The following TRPM8 variants were observed in gnomAD, a reference collection of about 807,000 sequenced individuals.
TRPM8 encodes transient receptor potential cation channel subfamily M member 8, also known as TRPM8 cationic channel.
In TRPM8, 110 loss-of-function variants were observed where a neutral mutation model predicts 133.7. That is an observed-to-expected ratio of 0.82 (90% CI 0.70 to 0.96). The LOEUF (loss-of-function observed/expected upper bound fraction) is 0.96, where lower values mean the gene tolerates loss of function less well. Among genes scored for constraint, TRPM8 ranks in the 40% least tolerant of loss-of-function variants. The pLI is 0.00. For synonymous variants in TRPM8, 535 were observed against 532.3 expected (o/e 1.01, Z -0.07); for missense variants, 1,291 against 1,379.5 (o/e 0.94, Z 1.02).
At chr2:234,005,510 T>G (rs891794529) in intron 22 of TRPM8, among the ~76,000 whole-genome samples, 1 of 152,204 alleles carries the variant, frequency 6.6e-6, no homozygotes, top group Non-Finnish European at 1.5e-5. Context: ...GAAAAGACAT[T>G]GAAACTTCTT....
In TRPM8 at chr2:233,997,894, A is replaced by C. The variant is rs1038925093; in HGVS notation, c.3130+1378A>C. 3.4e-4 allele frequency among the ~76,000 whole-genome samples: 52 copies of C among 152,122 alleles called. 1 individual carries two copies. Among genetic ancestry groups the C allele is most frequent in the African/African-American group, 1.3e-3 (52 of 41,420 alleles). On this transcript the variant is annotated intron_variant, in intron 22 of 25. Coordinates refer to ENST00000324695, the MANE Select transcript of TRPM8 (RefSeq NM_024080.5). ...CAGCTGTCAGCCACATGTCCTTTGA[A>C]TGCAGGGAGCCAGCATCCAGCTCTC...
Position 233,926,618 on chromosome 2 carries a change from C to T in TRPM8, c.81C>T (p.Ser27=), listed in dbSNP as rs201380061. 2.4e-5 allele frequency: 39 copies of T among 1,613,942 alleles called. No individual in the cohort carries two copies. The highest frequency in any genetic ancestry group is 1.6e-4 in the Middle Eastern group (1 of 6,080). The change falls in exon 2 of 26, where the codon AGC becomes AGT. Residue 27 remains serine (S), a synonymous_variant. Coordinates refer to ENST00000324695, the MANE Select transcript of TRPM8 (RefSeq NM_024080.5). ...TLDSTRTLYS[S]ASRSTDLSYS... ...ACAGCACCCGGACCCTGTACTCCAG[C>T]GCGTCTCGGAGCACAGACTTGTCTT...
At chr2:233,953,251 G>C (rs1691212777) in intron 9 of TRPM8, among the ~76,000 whole-genome samples, 1 of 152,166 alleles carries the variant, frequency 6.6e-6, no homozygotes, top group Non-Finnish European at 1.5e-5. Context: ...TGCAGTTCCA[G>C]ATCCTTATTT....
At chr2:234,010,003 A>G (rs1452995054) in intron 24 of TRPM8, among the ~76,000 whole-genome samples, 1 of 152,130 alleles carries the variant, frequency 6.6e-6, no homozygotes, top group Non-Finnish European at 1.5e-5. Context: ...GATTAATTTA[A>G]AATCTCTCCT....
rs143240128 is a variant in TRPM8, at chr2:233,977,638, C to T, written c.2356-2550C>T. On this transcript the variant is annotated intron_variant, in intron 17 of 25. Transcript: ENST00000324695. ...GGGTCCCTGGGGCTGCTAGCACCAGCAAAGCGGACAGTTCCTGTGGCCTCC... is the reference window on the plus strand; with the variant it reads ...GGGTCCCTGGGGCTGCTAGCACCAGTAAAGCGGACAGTTCCTGTGGCCTCC... Among the ~76,000 whole-genome samples, 651 of 152,270 alleles carry T rather than the reference C, an allele frequency of 4.3e-3. 2 individuals carry two copies. Among genetic ancestry groups the T allele is most frequent in the Non-Finnish European group, 6.1e-3 (415 of 68,020 alleles).
intron 5 of TRPM8, among the ~76,000 whole-genome samples, chr2:233,939,729 A>T (rs1251685137): frequency 6.6e-6 from 1 of 152,212 alleles, no homozygotes; most frequent in African/African-American, 2.4e-5. Context: ...TACATTCTTC[A>T]CCTAGATTCA....
rs377299071 is a variant in TRPM8, at chr2:233,985,801, C to A, written c.2875C>A (p.Leu959Met). 6 of 1,614,220 alleles carry A rather than the reference C, an allele frequency of 3.7e-6. No homozygotes were observed. The East Asian group carries it at 1.3e-4, about 36-fold the overall frequency. Residue 959 changes from leucine to methionine, a missense_variant, in exon 21 of 26, where the codon CTG becomes ATG. Physicochemically the swap from Leu to Met is conservative, Grantham distance 15. Coordinates refer to ENST00000324695, the MANE Select transcript of TRPM8 (RefSeq NM_024080.5). ...PRFPEWITIP[L>M]VCIYMLSTNI... Reference sequence around the variant, plus strand: ...GTTCCCCGAGTGGATCACCATCCCCCTGGTGTGCATCTACATGTTATCCAC... The same window carrying A: ...GTTCCCCGAGTGGATCACCATCCCCATGGTGTGCATCTACATGTTATCCAC...
intron 1 of TRPM8, among the ~76,000 whole-genome samples, chr2:233,919,532 C>T (rs1345383739): frequency 5.9e-5 from 9 of 152,134 alleles, no homozygotes; most frequent in Admixed American, 5.2e-4. Context: ...GTTACCTAAC[C>T]TCTCTGTGCC....
chr2:234,007,531 C>T (rs1410954511), intron 23 of TRPM8, among the ~76,000 whole-genome samples: 1 of 152,038 alleles, frequency 6.6e-6, no homozygotes, highest in Admixed American at 6.5e-5. Context: ...TGTAGGTGGC[C>T]CAGAAGTAAT....
At chr2:233,927,861 T>TTC (rs1198123872) in intron 2 of TRPM8, among the ~76,000 whole-genome samples, 176 of 13,462 alleles carry the variant, frequency 0.013, 6 homozygotes, top group Admixed American at 0.016. Context: ...CCTTTCTTTC[T>TTC]CTTTCTTTCT....
chr2:233,921,814 G>A (rs1405663909), intron 1 of TRPM8, among the ~76,000 whole-genome samples: 1 of 151,372 alleles, frequency 6.6e-6, no homozygotes. Flanking sequence ...GGGATTACAG[G>A]TGCCCGCCAC....
intron 5 of TRPM8, 146 bp downstream of exon 5, chr2:233,939,321 A>T: frequency 1.1e-6 from 1 of 888,438 alleles, no homozygotes; most frequent in Non-Finnish European, 1.7e-6. Flanking sequence ...TGAAAGCCAT[A>T]TCCTCAAATG....
At chr2:233,938,976 A>T in intron 4 of TRPM8, 22 bp from the exon 5 acceptor site, 1 of 1,613,604 alleles carries the variant, frequency 6.2e-7, no homozygotes, top group Non-Finnish European at 8.5e-7. Flanking sequence ...CTATCCTGAT[A>T]CTTCTGCTTC....
At chr2:233,994,143 G>T (rs1193168104) in intron 21 of TRPM8, among the ~76,000 whole-genome samples, 1 of 152,180 alleles carries the variant, frequency 6.6e-6, no homozygotes, top group Non-Finnish European at 1.5e-5. Context: ...GTAGTAAACT[G>T]ATTTCTGGCA....
chr2:233,954,176 C>T (rs978304558), intron 10 of TRPM8, among the ~76,000 whole-genome samples, 157 bp downstream of exon 10: 2 of 152,188 alleles, frequency 1.3e-5, no homozygotes, highest in Non-Finnish European at 2.9e-5. Flanking sequence ...TACGCTTGTC[C>T]TGGTGAGGTG....
At chr2:233,999,701 T>C (rs988266882) in intron 22 of TRPM8, among the ~76,000 whole-genome samples, 1 of 152,214 alleles carries the variant, frequency 6.6e-6, no homozygotes, top group African/African-American at 2.4e-5. Flanking sequence ...GCAAGGTGCA[T>C]GGGGGCTTAC....
chr2:233,984,438 G>T (rs73120779), intron 20 of TRPM8, among the ~76,000 whole-genome samples: 1 of 152,134 alleles, frequency 6.6e-6, no homozygotes, highest in Non-Finnish European at 1.5e-5. Context: ...TCCTGTGAAG[G>T]TCTGCTGCCA....
intron 14 of TRPM8, among the ~76,000 whole-genome samples, chr2:233,965,407 G>A (rs1342844605): frequency 6.6e-6 from 1 of 152,204 alleles, no homozygotes; most frequent in Non-Finnish European, 1.5e-5. Context: ...CATGTCTCAG[G>A]ACGCCTGACT....
At chr2:233,984,157 C>T (rs551605559) in intron 20 of TRPM8, among the ~76,000 whole-genome samples, 1 of 152,334 alleles carries the variant, frequency 6.6e-6, no homozygotes, top group South Asian at 2.1e-4. Context: ...GGTAGCCACT[C>T]ATGTGCTGTG....
Sources: allele counts gnomAD v4.1 joint callset (sites outside exome capture counted in the v4.1 genomes callset), GRCh38; gene constraint gnomAD v4.1.1; transcripts MANE v1.5; gene names NCBI Gene and HGNC (gene_info 2026-07-23, HGNC 2026-07-21).